UBXN11: variants seen among roughly 807,000 people sequenced by gnomAD.
UBXN11 encodes UBX domain-containing protein 11.
Under a neutral mutation model 62.8 loss-of-function variants are expected in UBXN11, and 47 were observed. The observed-to-expected ratio is 0.75, with a 90% CI of 0.59 to 0.95. The LOEUF (loss-of-function observed/expected upper bound fraction) is 0.95, where lower values mean the gene tolerates loss of function less well. Ranked by LOEUF, UBXN11 falls within the 40% of genes least tolerant of loss-of-function variation. UBXN11 has a pLI of 0.00. For synonymous variants in UBXN11, 294 were observed against 267.0 expected (o/e 1.10, Z -0.99); for missense variants, 638 against 661.7 (o/e 0.96, Z 0.39).
chr1:26,284,740 A>G, intron 10 of UBXN11: 25 of 1,259,732 alleles, frequency 2.0e-5, no homozygotes, highest in Non-Finnish European at 2.3e-5. Flanking sequence ...CCCCCCTCTC[A>G]GGAGCCTACC....
chr1:26,294,161 A>G, intron 8 of UBXN11, 44 bp downstream of exon 8: 5 of 1,608,992 alleles, frequency 3.1e-6, no homozygotes, highest in Non-Finnish European at 4.2e-6. Context: ...AAACTGTTGG[A>G]GAATTCCTTT....
chr1:26,304,668 G>A (rs2073619002), intron 1 of UBXN11, among the ~76,000 whole-genome samples: 1 of 152,126 alleles, frequency 6.6e-6, no homozygotes, highest in African/African-American at 2.4e-5. Flanking sequence ...CAGAAGAATT[G>A]CTTGAACCCA....
rs141117966 is a variant in UBXN11, at chr1:26,318,024, C to T, written c.-149+23G>A. 2.0e-5 allele frequency: 33 copies of T among 1,614,008 alleles called. No homozygotes were observed. The highest frequency in any genetic ancestry group is 1.3e-4 in the African/African-American group (10 of 74,922). ...CCACGAAGATCCTACCAAAATGAAG[C>T]GCTTCCTCTTCCTCCTACTCACCAT... On this transcript the variant is annotated intron_variant, in intron 1 of 14. Coordinates refer to the UBXN11 transcript ENST00000374217.
At position 26,302,821 on chromosome 1, in the gene UBXN11, C is replaced by T. The variant is rs1176294965; in HGVS notation, c.63G>A (p.Met21Ile). ...TGAGGCTGGCTCCTTACCCAGGATTCATAGGCTCCGAGGGCAGGGGCACTT... is the reference window on the plus strand; with the variant it reads ...TGAGGCTGGCTCCTTACCCAGGATTTATAGGCTCCGAGGGCAGGGGCACTT... The part of the protein sequence containing the change: ...TRKVPLPSEP[M>I]NPGRRGIRIY... The change falls in exon 2 of 15, where the codon ATG (methionine) becomes ATA (isoleucine). Residue 21 changes from methionine (M) to isoleucine (I), a missense_variant. Physicochemically the swap from Met to Ile is conservative, Grantham distance 10. Transcript: ENST00000374222. 2 of 1,613,630 alleles carry T rather than the reference C, an allele frequency of 1.2e-6. No homozygotes were observed. The highest frequency in any genetic ancestry group is 1.7e-6 in the Non-Finnish European group (2 of 1,179,782).
At chr1:26,310,849 C>G (rs2073734853), upstream of UBXN11, among the ~76,000 whole-genome samples, 2 of 150,434 alleles carry the variant, frequency 1.3e-5, no homozygotes, top group Admixed American at 1.3e-4. Context: ...CTTAGAAGGT[C>G]TGGAAATCTC....
rs1266564421 is a variant in UBXN11, at chr1:26,302,333, G to A, written c.71+480C>T. Among the ~76,000 whole-genome samples the A allele has an allele frequency of 2.4e-5, 3 of 122,904 alleles. No individual in the cohort carries two copies. In the Admixed American group the frequency reaches 3.2e-4, roughly 13 times the overall value. 80.6% of individuals were successfully genotyped at this position (122,904 alleles called of 152,430 possible). ...CAAGATCGTGCCACTGCAATCCACA[G>A]CCTGGGCGACAGAGCGAGACTTGGT... is the stretch of plus-strand genomic sequence containing the variant. On this transcript the variant is annotated intron_variant, in intron 2 of 14. Coordinates refer to ENST00000374222, the MANE Select transcript of UBXN11 (RefSeq NM_001389556.1).
rs973356260 is a variant in UBXN11, at chr1:26,296,870, A to G, written c.432+49T>C. Reference sequence around the variant, plus strand: ...AGCTCCTGAGGAACATGCCGTGAAGAGCTGGGGACTGCTGGCTGCCCGCAT... The same window carrying G: ...AGCTCCTGAGGAACATGCCGTGAAGGGCTGGGGACTGCTGGCTGCCCGCAT... On this transcript the variant is annotated intron_variant, in intron 7 of 14. Transcript: ENST00000374222. 4 of 1,553,942 alleles carry G rather than the reference A, an allele frequency of 2.6e-6. No individual in the cohort carries two copies. In the Admixed American group the frequency reaches 5.7e-5, roughly 22 times the overall value.
At chr1:26,294,101 G>C (rs1252057811) in intron 8 of UBXN11, 104 bp downstream of exon 8, 1 of 1,513,886 alleles carries the variant, frequency 6.6e-7, no homozygotes, top group Non-Finnish European at 8.8e-7. Flanking sequence ...CTTGGGTCAG[G>C]GACCCGGGCA....
In UBXN11 at chr1:26,302,834, G is replaced by A. The variant is rs764650512; in HGVS notation, c.50C>T (p.Pro17Leu). The change falls in exon 2 of 15, where the codon CCC becomes CTC. Residue 17 changes from proline to leucine, a missense_variant. Coordinates refer to ENST00000374222, the MANE Select transcript of UBXN11 (RefSeq NM_001389556.1). ...TTACCCAGGATTCATAGGCTCCGAG[G>A]GCAGGGGCACTTTTCGGGTCTTGCT... The part of the protein sequence containing the change: ...SLSKTRKVPL[P>L]SEPMNPGRRG... The A allele has an allele frequency of 1.9e-5, 31 of 1,613,872 alleles. No homozygotes were observed. The East Asian group carries it at 6.7e-4, about 35-fold the overall frequency.
chr1:26,297,428 TGGGTGTGGCCGGA>T lies in UBXN11; in HGVS notation c.341_353del (p.Leu114GlnfsTer61). 6.5e-7 allele frequency: 1 copy of T among 1,548,262 alleles called. No individual in the cohort carries two copies. The highest frequency in any genetic ancestry group is 1.4e-5 in the African/African-American group (1 of 72,982). On this transcript the variant is annotated frameshift_variant and splice_region_variant, in exon 6 of 15. Coordinates refer to ENST00000374222, the MANE Select transcript of UBXN11 (RefSeq NM_001389556.1). LOFTEE classifies it high-confidence loss of function. ...GTCAGCCCTCCAAGAGCCCCCTACC[TGGGTGTGGCCGGA>T]GGGTCTGCACCAGGTCCTCTAGGGC...
At chr1:26,286,066 C>T (rs753713350) in intron 8 of UBXN11, 29 bp from the exon 9 acceptor site, 21 of 1,562,256 alleles carry the variant, frequency 1.3e-5, no homozygotes, top group Admixed American at 7.1e-5. Flanking sequence ...ACCTGTGAGC[C>T]GCCTTTTGGC....
chr1:26,282,323 A>C lies in UBXN11; in HGVS notation c.1539T>G (p.Pro513=). 1 of 1,386,626 alleles carries C rather than the reference A, an allele frequency of 7.2e-7. No homozygotes were observed. Among genetic ancestry groups the C allele is most frequent in the Non-Finnish European group, 9.3e-7 (1 of 1,069,988 alleles). The allele number at this position is 1,386,626 out of a possible 1,614,324, so 85.9% of individuals were successfully genotyped here. Reference sequence around the variant, plus strand: ...TTTATTGGGGGCTGGGACTGGGTCCAGGACAGGGACTGGGGCCGGGACCGG... The same window carrying C: ...TTTATTGGGGGCTGGGACTGGGTCCCGGACAGGGACTGGGGCCGGGACCGG... ...PGPGPGPSPC[P]GPSPSPQ is the part of the protein sequence containing the mutation. The change falls in exon 15 of 15, where the codon CCT becomes CCG. Residue 513 remains proline (P), a synonymous_variant. Transcript: ENST00000374222.
At chr1:26,302,733 A>T in intron 2 of UBXN11, 80 bp downstream of exon 2, 1 of 1,461,782 alleles carries the variant, frequency 6.8e-7, no homozygotes, top group Non-Finnish European at 9.4e-7. Context: ...AGACACTAGG[A>T]GTCACTGTCC....
chr1:26,286,642 C>A (rs935091040), intron 8 of UBXN11, among the ~76,000 whole-genome samples: 1 of 152,010 alleles, frequency 6.6e-6, no homozygotes, highest in African/African-American at 2.4e-5. Context: ...GCTACTGTGC[C>A]CAACTCCACC....
At chr1:26,312,773 T>A (rs1181760767) in intron 1 of UBXN11, among the ~76,000 whole-genome samples, 3 of 143,628 alleles carry the variant, frequency 2.1e-5, no homozygotes, top group African/African-American at 5.1e-5. Flanking sequence ...AGGTTAGGAG[T>A]TTGAGACCAG....
intron 2 of UBXN11, 77 bp from the exon 3 acceptor site, chr1:26,301,799 A>G: frequency 6.3e-7 from 1 of 1,576,892 alleles, no homozygotes; most frequent in Non-Finnish European, 8.7e-7. Flanking sequence ...GGCTCTGGGC[A>G]CCGGACTTCA....
exon 1 of UBXN11, chr1:26,318,292 T>G (rs113784914): frequency 1.7e-4 from 96 of 549,834 alleles, no homozygotes; most frequent in African/African-American, 1.6e-3. Context: ...GAGAGAAACC[T>G]GTATCCACAG....
intron 7 of UBXN11, among the ~76,000 whole-genome samples, chr1:26,295,541 GTTC>G (rs1360472239): frequency 3.9e-5 from 6 of 152,060 alleles, no homozygotes; most frequent in Non-Finnish European, 7.4e-5. Context: ...CTCTTTTCCC[GTTC>G]TTCTCCTTCC....
intron 1 of UBXN11, among the ~76,000 whole-genome samples, chr1:26,316,120 G>T (rs141676885): frequency 0.028 from 4,030 of 146,040 alleles, 85 homozygotes; most frequent in Non-Finnish European, 0.042. Flanking sequence ...CACTATGCCC[G>T]GCTAATTTTT....
Sources: allele counts gnomAD v4.1 joint callset (sites outside exome capture counted in the v4.1 genomes callset), GRCh38; gene constraint gnomAD v4.1.1; transcripts MANE v1.5; gene names NCBI Gene and HGNC (gene_info 2026-07-23, HGNC 2026-07-21).